Variants in SHISA5 observed in about 807,000 individuals in gnomAD.
The protein encoded by SHISA5 is protein shisa-5.
Under a neutral mutation model 27.5 loss-of-function variants are expected in SHISA5, and 21 were observed. That is an observed-to-expected ratio of 0.76 (90% confidence interval 0.54 to 1.10). SHISA5 has a LOEUF of 1.10. Among genes scored for constraint, SHISA5 ranks in the 50% least tolerant of loss-of-function variants. SHISA5 has a pLI of 0.00. For missense variants in SHISA5, 314 were observed against 336.3 expected, an observed-to-expected ratio of 0.93 and a Z score of 0.52; for synonymous variants, 137 against 142.2, an observed-to-expected ratio of 0.96 and a Z score of 0.26.
intron 3 of SHISA5, among the ~76,000 whole-genome samples, 157 bp downstream of exon 3, chr3:48,479,020 T>C (rs1450535414): frequency 6.6e-6 from 1 of 152,072 alleles, no homozygotes; most frequent in Non-Finnish European, 1.5e-5. Flanking sequence ...CTTCACAGCA[T>C]AAGGAGCAAG....
chr3:48,489,255 G>A (rs1347204865), intron 2 of SHISA5, among the ~76,000 whole-genome samples: 2 of 148,080 alleles, frequency 1.4e-5, no homozygotes, highest in South Asian at 4.2e-4. Flanking sequence ...TGTGGCCCAA[G>A]ACAATTTTCT....
intron 2 of SHISA5, among the ~76,000 whole-genome samples, chr3:48,500,897 C>T (rs1193132749): frequency 6.6e-6 from 1 of 152,150 alleles, no homozygotes; most frequent in Non-Finnish European, 1.5e-5. Flanking sequence ...GAAACCTGCT[C>T]AGCCCAAGGC....
At chr3:48,483,569 T>C (rs2041093763) in intron 2 of SHISA5, among the ~76,000 whole-genome samples, 1 of 152,164 alleles carries the variant, frequency 6.6e-6, no homozygotes, top group Non-Finnish European at 1.5e-5. Flanking sequence ...AAAACCGCCA[T>C]TGTCACCTTG....
intron 2 of SHISA5, 135 bp from the exon 3 acceptor site, chr3:48,479,392 C>T: frequency 1.4e-6 from 1 of 724,334 alleles, no homozygotes; most frequent in Non-Finnish European, 2.3e-6. Context: ...CAGAGGTGGA[C>T]TCTGCCCACA....
At position 48,473,124 on chromosome 3, in the gene SHISA5, A is replaced by G. The variant is rs947718700; in HGVS notation, c.315-3281T>C. On this transcript the variant is annotated intron_variant, in intron 3 of 5. Coordinates refer to ENST00000296444, the MANE Select transcript of SHISA5 (RefSeq NM_016479.6). This position sits in a 1 kb window ranked among gnomAD's most constrained non-coding sequence, Gnocchi z 4.3. ...TCCCCTTTTGGAGAAAAAGAAAGCA[A>G]ATCTCCTCCAGATGACGTCAGCCAC... 6.8e-7 allele frequency: 1 copy of G among 1,472,202 alleles called. No homozygotes were observed. Among genetic ancestry groups the G allele is most frequent in the African/African-American group, 1.4e-5 (1 of 70,620 alleles). 91.2% of individuals were successfully genotyped at this position (1,472,202 alleles called of 1,614,324 possible).
chr3:48,503,228 T>C (rs1022855934), intron 1 of SHISA5: 2 of 1,248,808 alleles, frequency 1.6e-6, no homozygotes, highest in Admixed American at 2.3e-5. Context: ...TTAGGCTGAG[T>C]CCATGGCACA....
intron 2 of SHISA5, among the ~76,000 whole-genome samples, chr3:48,480,378 TATC>T (rs1560124861): frequency 6.6e-6 from 1 of 151,384 alleles, no homozygotes; most frequent in African/African-American, 2.4e-5. Context: ...GGGGAGAAGA[TATC>T]ATGATCACGA....
intron 2 of SHISA5, among the ~76,000 whole-genome samples, chr3:48,490,007 C>A (rs2041374410): frequency 6.6e-6 from 1 of 152,170 alleles, no homozygotes; most frequent in Admixed American, 6.5e-5. Context: ...GGCTGCCACT[C>A]CCACCACAGG....
intron 1 of SHISA5, chr3:48,502,999 G>T: frequency 1.3e-6 from 1 of 783,554 alleles, no homozygotes; most frequent in Non-Finnish European, 1.9e-6. Context: ...GGGGGGAACT[G>T]CACTTCTTGG....
At chr3:48,497,151 G>C (rs2041577637) in intron 2 of SHISA5, among the ~76,000 whole-genome samples, 1 of 151,654 alleles carries the variant, frequency 6.6e-6, no homozygotes, top group South Asian at 2.1e-4. Flanking sequence ...GGAATCACTT[G>C]AACCCAGGAG....
At chr3:48,476,196 C>G (rs1472736282) in intron 3 of SHISA5, among the ~76,000 whole-genome samples, 1 of 152,100 alleles carries the variant, frequency 6.6e-6, no homozygotes, top group Non-Finnish European at 1.5e-5. Context: ...CAAAAATTAG[C>G]CGGGCATGGT....
chr3:48,473,025 G>A lies in SHISA5; in HGVS notation c.315-3182C>T. The A allele has an allele frequency of 6.5e-7, 1 of 1,535,960 alleles. No homozygotes were observed. The highest frequency in any genetic ancestry group is 8.7e-7 in the Non-Finnish European group (1 of 1,146,848). On this transcript the variant is annotated intron_variant, in intron 3 of 5. Coordinates refer to ENST00000296444, the MANE Select transcript of SHISA5 (RefSeq NM_016479.6). The surrounding 1 kb of genome is among the most constrained non-coding windows in gnomAD (Gnocchi z 4.3). ...CCAAGCTCACCCCATGTTAGCCTCT[G>A]CCTTCACCCAGAGGCCTCCTGTACC...
intron 3 of SHISA5, among the ~76,000 whole-genome samples, chr3:48,471,578 A>AAAAAAAAAAAAACT (rs199983750): frequency 1.8e-5 from 2 of 113,620 alleles, no homozygotes; most frequent in Non-Finnish European, 3.4e-5. Flanking sequence ...AAAAAAAAAA[A>AAAAAAAAAAAAACT]GTCAGCCTTA....
At chr3:48,481,363 C>T (rs896562264) in intron 2 of SHISA5, among the ~76,000 whole-genome samples, 49 of 151,480 alleles carry the variant, frequency 3.2e-4, no homozygotes, top group Admixed American at 3.0e-3. Flanking sequence ...TGCTTGAACC[C>T]GGGAGGTGGA....
At chr3:48,487,500 G>A (rs1417141777) in intron 2 of SHISA5, among the ~76,000 whole-genome samples, 1 of 152,054 alleles carries the variant, frequency 6.6e-6, no homozygotes, top group Non-Finnish European at 1.5e-5. Flanking sequence ...GGTATTTGAT[G>A]TTTTTGATGC....
At chr3:48,471,578 A>ACCT (rs199983750) in intron 3 of SHISA5, among the ~76,000 whole-genome samples, 1 of 113,620 alleles carries the variant, frequency 8.8e-6, no homozygotes, top group African/African-American at 3.6e-5. Context: ...AAAAAAAAAA[A>ACCT]GTCAGCCTTA....
At chr3:48,503,041 GC>G in intron 1 of SHISA5, 8 of 1,190,974 alleles carry the variant, frequency 6.7e-6, no homozygotes, top group Non-Finnish European at 8.9e-6. Context: ...TCTGGGCAAA[GC>G]CATGGAGCAG....
chr3:48,487,442 T>C (rs1210483726), intron 2 of SHISA5, among the ~76,000 whole-genome samples: 1 of 152,340 alleles, frequency 6.6e-6, no homozygotes, highest in East Asian at 1.9e-4. Context: ...TTGTATGTTT[T>C]ACAGTTTATG....
chr3:48,483,346 C>T (rs1371520744), intron 2 of SHISA5, among the ~76,000 whole-genome samples: 1 of 152,036 alleles, frequency 6.6e-6, no homozygotes, highest in Non-Finnish European at 1.5e-5. Flanking sequence ...TTGCACCGCC[C>T]TTAATCCATT....
Sources: gnomAD v4.1 joint callset for allele counts (sites outside exome capture counted in the v4.1 genomes callset) on GRCh38, gnomAD v4.1.1 for gene constraint, Gnocchi (gnomAD v3.1) non-coding constraint, MANE v1.5 for transcripts, NCBI Gene and HGNC (gene_info 2026-07-23, HGNC 2026-07-21) for gene names.